LAMA5: variants seen among roughly 807,000 people sequenced by gnomAD.
LAMA5 encodes laminin subunit alpha-5.
A neutral mutation model predicts 433.4 loss-of-function variants in LAMA5; 260 were observed. That is an observed-to-expected ratio of 0.60 (90% confidence interval 0.54 to 0.66). LAMA5 has a LOEUF of 0.66. Among genes scored for constraint, LAMA5 ranks in the 30% least tolerant of loss-of-function variants. The pLI is 0.00. For missense variants in LAMA5, 5,378 were observed against 5,258.5 expected (o/e 1.02, Z -0.70); for synonymous variants, 2,620 against 2,226.6 (o/e 1.18, Z -4.97).
rs1221755562 is a variant in LAMA5 at position 62,332,446 on chromosome 20, C to T, written c.3478G>A (p.Asp1160Asn). Residue 1160 changes from aspartate to asparagine, a missense_variant, in exon 28 of 80, where the codon GAC becomes AAC. Asp to Asn is a conservative substitution (Grantham distance 23). Coordinates refer to ENST00000252999, the MANE Select transcript of LAMA5 (RefSeq NM_005560.6). The stretch of plus-strand genomic sequence containing the variant: ...TCCAGGTGGAAGACAGCCAGGTGGT[C>T]CTGGGTATCCCGGGCAGTGCCCCGG... ...LCRGTARDTQ[D>N]HLAVFHLDSE... 3.1e-6 allele frequency: 5 copies of T among 1,612,588 alleles called. No homozygotes were observed. Among genetic ancestry groups the T allele is most frequent in the African/African-American group, 1.3e-5 (1 of 74,936 alleles).
At chr20:62,336,567 G>A (rs1179041856) in intron 17 of LAMA5, 122 bp from the exon 18 acceptor site, 2 of 1,127,022 alleles carry the variant, frequency 1.8e-6, no homozygotes, top group Admixed American at 2.0e-5. Context: ...TGACTCACAG[G>A]AGTCACCTGC....
At position 62,323,497 on chromosome 20, in the gene LAMA5, G is replaced by A; in HGVS notation, c.6023C>T (p.Pro2008Leu). 6.4e-7 allele frequency: 1 copy of A among 1,558,360 alleles called. No individual in the cohort carries two copies. Among genetic ancestry groups the A allele is most frequent in the South Asian group, 1.2e-5 (1 of 84,960 alleles). ...TTGPRCEICA[P>L]GFYGNALLPG... ...CAGCAGGGCGTTGCCGTAGAAGCCG[G>A]GGGCACAGATCTCGCAGCGGGGCCC... Residue 2008 changes from proline to leucine, a missense_variant, in exon 45 of 80, where the codon CCC (proline) becomes CTC (leucine). Physicochemically the swap from Pro to Leu is moderately conservative, Grantham distance 98. Transcript: ENST00000252999.
chr20:62,332,763 TC>T, intron 26 of LAMA5, 46 bp from the exon 27 acceptor site: 3 of 1,590,876 alleles, frequency 1.9e-6, no homozygotes, highest in Non-Finnish European at 2.6e-6. Context: ...CCCTCGCCCT[TC>T]CCACCTCCCT....
At position 62,324,385 on chromosome 20, in the gene LAMA5, A is replaced by G. The variant is rs1978879847; in HGVS notation, c.5643+56T>C. ...TGCAGCCCCTGGTCTTCCCTGGCAC[A>G]CTTGACTGTGCCTTCAGTGAATGCT... On this transcript the variant is annotated intron_variant, in intron 42 of 79. Coordinates refer to ENST00000252999, the MANE Select transcript of LAMA5 (RefSeq NM_005560.6). This position sits in a 1 kb window ranked among gnomAD's most constrained non-coding sequence, Gnocchi z 4.4. The G allele has an allele frequency of 6.7e-7, 1 of 1,485,400 alleles. No homozygotes were observed. Among genetic ancestry groups the G allele is most frequent in the African/African-American group, 1.4e-5 (1 of 72,210 alleles). The allele number at this position is 1,485,400 out of a possible 1,614,324, so 92.0% of individuals were successfully genotyped here.
Position 62,327,587 on chromosome 20 carries a change from C to T in LAMA5, c.4880G>A (p.Arg1627His), listed in dbSNP as rs373128149. 91 of 1,612,874 alleles carry T rather than the reference C, an allele frequency of 5.6e-5. No homozygotes were observed. The highest frequency in any genetic ancestry group is 1.6e-4 in the Middle Eastern group (1 of 6,084). ...CTCCGTGGCCCCAAAGCAGAAGCAGCGGGTGCAACCTTTGGGGTTGGCAGC... is the reference window on the plus strand; with the variant it reads ...CTCCGTGGCCCCAAAGCAGAAGCAGTGGGTGCAACCTTTGGGGTTGGCAGC... ...LDAANPKGCTRCFCFGATERC... is the reference protein window; with the variant it reads ...LDAANPKGCTHCFCFGATERC... Residue 1627 changes from arginine to histidine, a missense_variant, in exon 37 of 80, where the codon CGC becomes CAC. Coordinates refer to ENST00000252999, the MANE Select transcript of LAMA5 (RefSeq NM_005560.6).
In LAMA5 at chr20:62,312,266, G is replaced by C. The variant is rs1463813347; in HGVS notation, c.9411C>G (p.Leu3137=). ...FHGHGFLRLA[L]SNVAPLTGNV... is the part of the protein sequence containing the mutation. ...TGCCAGTGAGCGGTGCCACGTTCGAGAGCGCCAGGCGAAGGAAGCCGTGGC... is the reference window on the plus strand; with the variant it reads ...TGCCAGTGAGCGGTGCCACGTTCGACAGCGCCAGGCGAAGGAAGCCGTGGC... The change falls in exon 69 of 80, where the codon CTC becomes CTG. Residue 3137 remains leucine, a synonymous_variant. Transcript: ENST00000252999. 2 of 1,611,184 alleles carry C rather than the reference G, an allele frequency of 1.2e-6. No individual in the cohort carries two copies. The highest frequency in any genetic ancestry group is 1.3e-5 in the African/African-American group (1 of 74,934).
In LAMA5 at chr20:62,311,605, C is replaced by T. The variant is rs1259520986; in HGVS notation, c.9806+9G>A. ...TGGGACCTTGTCCCCCAGCGCCCAC[C>T]AGGCTCACCGCTGCACGAAGACGTT... On this transcript the variant is annotated intron_variant, in intron 71 of 79. Coordinates refer to ENST00000252999, the MANE Select transcript of LAMA5 (RefSeq NM_005560.6). 3 of 1,607,166 alleles carry T rather than the reference C, an allele frequency of 1.9e-6. No homozygotes were observed. In the South Asian group the frequency reaches 3.3e-5, roughly 18 times the overall value.
At chr20:62,352,702 T>C (rs1984546197) in intron 3 of LAMA5, among the ~76,000 whole-genome samples, 2 of 152,104 alleles carry the variant, frequency 1.3e-5, no homozygotes, top group South Asian at 2.1e-4. Context: ...GCCTGCCCTA[T>C]TGGGGAGGAG....
Position 62,309,192 on chromosome 20 carries a change from A to G in LAMA5, c.*144T>C. ...TTTGCAGTATTTTATTCTTTCGTTT[A>G]AGAAGCTATAACTTAAACCATCTTC... On this transcript the variant is annotated 3_prime_UTR_variant, in exon 80 of 80. Coordinates refer to ENST00000252999, the MANE Select transcript of LAMA5 (RefSeq NM_005560.6). 1 of 813,632 alleles carries G rather than the reference A, an allele frequency of 1.2e-6. No homozygotes were observed. The highest frequency in any genetic ancestry group is 1.8e-6 in the Non-Finnish European group (1 of 550,216). 50.4% of individuals were successfully genotyped at this position (813,632 alleles called of 1,614,324 possible).
chr20:62,347,083 G>A (rs1983512867), intron 6 of LAMA5, 55 bp from the exon 7 acceptor site: 6 of 1,389,434 alleles, frequency 4.3e-6, no homozygotes, highest in Non-Finnish European at 6.1e-6. Flanking sequence ...GGTGGCAGGT[G>A]CTCAGTCCCT....
In LAMA5 at chr20:62,314,791, T is replaced by C; in HGVS notation, c.8196+8A>G. 1.9e-6 allele frequency: 3 copies of C among 1,612,850 alleles called. No individual in the cohort carries two copies. Among genetic ancestry groups the C allele is most frequent in the Non-Finnish European group, 2.5e-6 (3 of 1,179,928 alleles). ...TGATGTCCACCTTCCCCTGGGACTC[T>C]CACCCACCTTACTGGCAGCCCCCCG... On this transcript the variant is annotated splice_region_variant and intron_variant, in intron 60 of 79. Coordinates refer to ENST00000252999, the MANE Select transcript of LAMA5 (RefSeq NM_005560.6).
At chr20:62,309,879 A>T in intron 78 of LAMA5, 44 bp from the exon 79 acceptor site, 1 of 1,608,798 alleles carries the variant, frequency 6.2e-7, no homozygotes, top group Non-Finnish European at 8.5e-7. Context: ...TCCTCAGCCC[A>T]GCCTCTCTCC....
chr20:62,325,275 C>T (rs768862127), intron 41 of LAMA5, 41 bp downstream of exon 41: 2 of 1,366,746 alleles, frequency 1.5e-6, no homozygotes, highest in African/African-American at 1.4e-5. Flanking sequence ...AGGGTGTGCA[C>T]AGGTGAGCCG....
chr20:62,360,322 G>A (rs1601429734), intron 2 of LAMA5, among the ~76,000 whole-genome samples: 1 of 8,266 alleles, frequency 1.2e-4, no homozygotes, highest in Admixed American at 1.4e-3. Context: ...AGGGGGGTGG[G>A]TGGGTGGATG....
At position 62,311,634 on chromosome 20, in the gene LAMA5, G is replaced by C. The variant is rs113902955; in HGVS notation, c.9786C>G (p.Ile3262Met). Residue 3262 changes from isoleucine to methionine, a missense_variant, in exon 71 of 80, where the codon ATC becomes ATG. Coordinates refer to ENST00000252999, the MANE Select transcript of LAMA5 (RefSeq NM_005560.6). The stretch of plus-strand genomic sequence containing the variant: ...CTCACCGCTGCACGAAGACGTTGCT[G>C]ATGCAGCCACTGAAGTTGTAAATGG... Reference protein sequence around the residue: ...SGTIYNFSGCISNVFVQRLLG... With the variant: ...SGTIYNFSGCMSNVFVQRLLG... The C allele has an allele frequency of 1.2e-6, 2 of 1,603,530 alleles. No individual in the cohort carries two copies. The highest frequency in any genetic ancestry group is 2.7e-5 in the African/African-American group (2 of 74,816).
chr20:62,366,952 G>A lies in LAMA5; in HGVS notation c.294C>T (p.Ile98=), dbSNP rs753078444. Residue 98 remains isoleucine (I), a synonymous_variant, in exon 1 of 80, where the codon ATC becomes ATT. Transcript: ENST00000252999. ...PVAGGDPNQT[I]RGQYCDICTA... ...CACGGCCCGCCCCTGCGCTCACCCGGATGGTCTGGTTGGGGTCGCCGCCGG... is the reference window on the plus strand; with the variant it reads ...CACGGCCCGCCCCTGCGCTCACCCGAATGGTCTGGTTGGGGTCGCCGCCGG... The A allele has an allele frequency of 3.9e-6, 5 of 1,271,272 alleles. No homozygotes were observed. In the South Asian group the frequency reaches 1.4e-4, roughly 36 times the overall value. The allele number at this position is 1,271,272 out of a possible 1,614,324, so 78.7% of individuals were successfully genotyped here. A position where few individuals can be genotyped will look rare whatever the true frequency, so the allele number is the denominator to read the frequency against.
Position 62,317,180 on chromosome 20 carries a change from T to C in LAMA5, c.7512-157A>G, listed in dbSNP as rs191814741. Among the ~76,000 whole-genome samples the C allele has an allele frequency of 3.5e-3, 533 of 152,298 alleles. 3 individuals are homozygous for C. The highest frequency in any genetic ancestry group is 0.012 in the African/African-American group (517 of 41,570). On this transcript the variant is annotated intron_variant, in intron 55 of 79. Coordinates refer to ENST00000252999, the MANE Select transcript of LAMA5 (RefSeq NM_005560.6). ...GCCTGTCGCCTGCTGGGTGTACTGC[T>C]CCTGTCACTCTGGGCCCCAGCTTGC...
chr20:62,323,359 A>C, intron 45 of LAMA5, 97 bp downstream of exon 45: 1 of 1,023,034 alleles, frequency 9.8e-7, no homozygotes, highest in South Asian at 1.7e-5. Context: ...GGGCCCCAGC[A>C]TCAGGCACAC....
rs374836875 is a variant in LAMA5, at chr20:62,322,147, C to T, written c.6368G>A (p.Arg2123His). ...GCRRCQCPGGRCDPHTGRCNC... is the reference protein window; with the variant it reads ...GCRRCQCPGGHCDPHTGRCNC... The stretch of plus-strand genomic sequence containing the variant: ...GCAGCGGCCCGTGTGAGGGTCACAG[C>T]GGCCCCCAGGGCACTGGCAGCCTGT... Residue 2123 changes from arginine to histidine, a missense_variant, in exon 48 of 80, where the codon CGC becomes CAC. Transcript: ENST00000252999. The T allele has an allele frequency of 4.2e-4, 665 of 1,598,372 alleles. 4 individuals are homozygous for T. Among genetic ancestry groups the T allele is most frequent in the South Asian group, 3.7e-3 (334 of 90,258 alleles).
Sources: gnomAD v4.1 joint callset for allele counts (sites outside exome capture counted in the v4.1 genomes callset) on GRCh38, gnomAD v4.1.1 for gene constraint, Gnocchi (gnomAD v3.1) non-coding constraint, MANE v1.5 for transcripts, NCBI Gene and HGNC (gene_info 2026-07-23, HGNC 2026-07-21) for gene names.